The following ABLIM2 variants were observed in gnomAD, a reference collection of about 807,000 sequenced individuals.
ABLIM2 encodes the protein actin binding LIM protein family member 2.
Under a neutral mutation model 97.7 loss-of-function variants are expected in ABLIM2, and 53 were observed. The ratio of observed to expected loss-of-function variants is 0.54; its 90% CI spans 0.44 to 0.68. The LOEUF is 0.68. Ranked by LOEUF, ABLIM2 falls within the 30% of genes least tolerant of loss-of-function variation. The pLI, the probability that ABLIM2 is intolerant of heterozygous loss-of-function variation, is 0.00. For synonymous variants in ABLIM2, 361 were observed against 345.8 expected (o/e 1.04, Z -0.49); for missense variants, 835 against 867.2 (o/e 0.96, Z 0.47).
intron 1 of ABLIM2, among the ~76,000 whole-genome samples, chr4:8,157,219 G>C (rs1026206011): frequency 1.3e-5 from 2 of 151,962 alleles, no homozygotes; most frequent in African/African-American, 4.8e-5. Flanking sequence ...CAGATGCAGA[G>C]GAGAGATGCC....
Position 8,044,690 on chromosome 4 carries a change from TCGAACG to T in ABLIM2, c.900+468_900+473del, listed in dbSNP as rs144643179. On this transcript the variant is annotated intron_variant, in intron 9 of 20. Transcript: ENST00000447017. The surrounding 1 kb of genome is among the most constrained non-coding windows in gnomAD (Gnocchi z 4.4). ...CAGAGTCTCTCTCTCTCTCTCTCTC[TCGAACG>T]AACGAAAACGGGATCACATAATTTA... is the stretch of plus-strand genomic sequence containing the variant. Among the ~76,000 whole-genome samples, 38 of 78,072 alleles carry T rather than the reference TCGAACG, an allele frequency of 4.9e-4. No homozygotes were observed. Among genetic ancestry groups the T allele is most frequent in the African/African-American group, 2.2e-3 (36 of 16,624 alleles). 51.2% of individuals were successfully genotyped at this position (78,072 alleles called of 152,430 possible).
intron 8 of ABLIM2, among the ~76,000 whole-genome samples, chr4:8,045,874 C>T (rs1792048158): frequency 6.6e-6 from 1 of 152,064 alleles, no homozygotes; most frequent in African/African-American, 2.4e-5. Context: ...CAGCTTAGTC[C>T]ACTGGCCCAG....
chr4:8,050,663 C>T (rs1205605487), intron 8 of ABLIM2, among the ~76,000 whole-genome samples: 3 of 152,226 alleles, frequency 2.0e-5, no homozygotes, highest in African/African-American at 7.2e-5. Flanking sequence ...CTCTCCTTAA[C>T]TGGCTTGCAC....
At position 7,992,073 on chromosome 4, in the gene ABLIM2, CTGTG is replaced by C. The variant is rs146945079; in HGVS notation, c.1680+789_1680+792del. 1.3e-5 allele frequency among the ~76,000 whole-genome samples: 2 copies of C among 152,100 alleles called. No individual in the cohort carries two copies. The highest frequency in any genetic ancestry group is 1.9e-4 in the East Asian group (1 of 5,178). ...CTTGCGCAATGGGGAGACCCCTGGGCTGTGTGTGTGTGTCTGTGTGTTGGGGGGT... is the reference window on the plus strand; with the variant it reads ...CTTGCGCAATGGGGAGACCCCTGGGCTGTGTGTGTCTGTGTGTTGGGGGGT... On this transcript the variant is annotated intron_variant, in intron 17 of 20. Coordinates refer to ENST00000447017, the MANE Select transcript of ABLIM2 (RefSeq NM_001130083.2). This position sits in a 1 kb window ranked among gnomAD's most constrained non-coding sequence, Gnocchi z 5.7.
rs942305223 is a variant in ABLIM2 at position 8,043,786 on chromosome 4, C to T, written c.900+1378G>A. ...TAACGGCAGCAAGCGTTTCCCACAG[C>T]CTTCTTCTGGGCAGGCGCTGTGCTC... is the stretch of plus-strand genomic sequence containing the variant. On this transcript the variant is annotated intron_variant, in intron 9 of 20. Transcript: ENST00000447017. This position sits in a 1 kb window ranked among gnomAD's most constrained non-coding sequence, Gnocchi z 4.8. Among the ~76,000 whole-genome samples the T allele has an allele frequency of 1.2e-4, 19 of 152,204 alleles. No homozygotes were observed. Among genetic ancestry groups the T allele is most frequent in the Non-Finnish European group, 2.1e-4 (14 of 68,030 alleles).
chr4:8,111,345 G>C (rs1232391628), intron 1 of ABLIM2, among the ~76,000 whole-genome samples: 1 of 152,236 alleles, frequency 6.6e-6, no homozygotes, highest in African/African-American at 2.4e-5. Context: ...GATCAACGGA[G>C]CACAGGGCGT....
At position 8,001,504 on chromosome 4, in the gene ABLIM2, C is replaced by A. The variant is rs1351908168; in HGVS notation, c.1618+6555G>T. Among the ~76,000 whole-genome samples, 1 of 152,142 alleles carries A rather than the reference C, an allele frequency of 6.6e-6. No homozygotes were observed. The highest frequency in any genetic ancestry group is 2.4e-5 in the African/African-American group (1 of 41,436). On this transcript the variant is annotated intron_variant, in intron 16 of 20. Coordinates refer to ENST00000447017, the MANE Select transcript of ABLIM2 (RefSeq NM_001130083.2). This position sits in a 1 kb window ranked among gnomAD's most constrained non-coding sequence, Gnocchi z 4.2. ...CCACTGTCCTCGGGGTGGTGTATAC[C>A]TCCAGCCACAGCATCTTCTCCTGGG...
chr4:8,008,287 A>C, intron 15 of ABLIM2, 87 bp from the exon 16 acceptor site: 9 of 1,311,940 alleles, frequency 6.9e-6, no homozygotes, highest in Non-Finnish European at 9.6e-6. Flanking sequence ...TAGCTTCCTT[A>C]CTTCTAACAT....
chr4:8,059,527 C>T (rs1213669410), intron 7 of ABLIM2, among the ~76,000 whole-genome samples: 1 of 152,106 alleles, frequency 6.6e-6, no homozygotes, highest in African/African-American at 2.4e-5. Flanking sequence ...CCCCGGCCCC[C>T]CCACTTGACA....
intron 10 of ABLIM2, 88 bp downstream of exon 10, chr4:8,036,061 C>A: frequency 6.7e-7 from 1 of 1,497,374 alleles, no homozygotes; most frequent in African/African-American, 1.4e-5. Context: ...GCTCTGGCCC[C>A]ATAGGACACA....
chr4:8,157,264 G>C (rs987105474), intron 1 of ABLIM2, among the ~76,000 whole-genome samples: 2 of 152,154 alleles, frequency 1.3e-5, no homozygotes, highest in African/African-American at 4.8e-5. Flanking sequence ...GATGACAGGG[G>C]GGACCACAGG....
At chr4:8,060,411 C>A (rs1802222482) in intron 7 of ABLIM2, among the ~76,000 whole-genome samples, 1 of 152,192 alleles carries the variant, frequency 6.6e-6, no homozygotes, top group Non-Finnish European at 1.5e-5. Context: ...TAGAAGTCCG[C>A]TACATTTTCC....
At position 7,992,956 on chromosome 4, in the gene ABLIM2, C is replaced by T. The variant is rs745998768; in HGVS notation, c.1619-29G>A. 49 of 1,607,622 alleles carry T rather than the reference C, an allele frequency of 3.0e-5. No homozygotes were observed. Among genetic ancestry groups the T allele is most frequent in the African/African-American group, 1.1e-4 (8 of 74,790 alleles). ...AAACAGACACAGCACAGCTTTGTCA[C>T]GCGCGCAGACTCGGTGCAGCAATGG... is the stretch of plus-strand genomic sequence containing the variant. On this transcript the variant is annotated intron_variant, in intron 16 of 20. Transcript: ENST00000447017. The surrounding 1 kb of genome is among the most constrained non-coding windows in gnomAD (Gnocchi z 5.7).
At chr4:8,105,327 G>A (rs2386113) in intron 2 of ABLIM2, among the ~76,000 whole-genome samples, 140,859 of 152,282 alleles carry the variant, frequency 0.92, 65,194 homozygotes, top group Admixed American at 0.94. Flanking sequence ...TTCAAATCGT[G>A]TTGCACACCT....
At chr4:8,045,338 G>T in intron 8 of ABLIM2, 97 bp from the exon 9 acceptor site, 1 of 1,109,946 alleles carries the variant, frequency 9.0e-7, no homozygotes, top group South Asian at 1.2e-5. Flanking sequence ...CCACGCCAGC[G>T]CACTGCGGTG....
intron 10 of ABLIM2, among the ~76,000 whole-genome samples, chr4:8,030,104 G>T (rs933164814): frequency 1.3e-5 from 2 of 152,102 alleles, no homozygotes; most frequent in African/African-American, 4.8e-5. Context: ...CCTGACCCTC[G>T]CCAGCGCCCA....
In ABLIM2 at chr4:7,966,708, T is replaced by C; in HGVS notation, c.*282A>G. On this transcript the variant is annotated 3_prime_UTR_variant, in exon 21 of 21. Transcript: ENST00000447017. ...GAAGGTGGGCTGGGCTGCAGCCACC[T>C]GTGTGCTCCATCTGATGCCCGACAC... 1 of 423,820 alleles carries C rather than the reference T, an allele frequency of 2.4e-6. No homozygotes were observed. The highest frequency in any genetic ancestry group is 4.3e-6 in the Non-Finnish European group (1 of 233,638). 26.3% of individuals were successfully genotyped at this position (423,820 alleles called of 1,614,324 possible).
intron 1 of ABLIM2, 26 bp from the exon 2 acceptor site, chr4:8,106,663 G>T (rs776063495): frequency 6.3e-7 from 1 of 1,582,228 alleles, no homozygotes; most frequent in Non-Finnish European, 8.6e-7. Context: ...GAAGAGCAGC[G>T]TTCAAGGGTG....
chr4:8,136,425 A>C (rs1190587931), intron 1 of ABLIM2, among the ~76,000 whole-genome samples: 1 of 152,238 alleles, frequency 6.6e-6, no homozygotes, highest in Non-Finnish European at 1.5e-5. Flanking sequence ...AGAATGGTCT[A>C]GATGGAAATA....
Sources: gnomAD v4.1 joint callset for allele counts (sites outside exome capture counted in the v4.1 genomes callset) on GRCh38, gnomAD v4.1.1 for gene constraint, Gnocchi (gnomAD v3.1) non-coding constraint, MANE v1.5 for transcripts, NCBI Gene and HGNC (gene_info 2026-07-23, HGNC 2026-07-21) for gene names.